Variants in NKAIN2 observed in about 807,000 individuals in gnomAD.
The protein encoded by NKAIN2 is sodium/potassium-transporting ATPase subunit beta-1-interacting protein 2.
In NKAIN2, 14 loss-of-function variants were observed where a neutral mutation model predicts 32.6. The ratio of observed to expected loss-of-function variants is 0.43; its 90% CI spans 0.28 to 0.67. The LOEUF (loss-of-function observed/expected upper bound fraction) is 0.67, where lower values mean the gene tolerates loss of function less well. NKAIN2 is among the 30% of genes least tolerant of loss of function. NKAIN2 has a pLI of 0.17. For synonymous variants in NKAIN2, 80 were observed against 87.2 expected (o/e 0.92, Z 0.46); for missense variants, 198 against 258.3 (o/e 0.77, Z 1.60).
intron 1 of NKAIN2, among the ~76,000 whole-genome samples, chr6:123,987,908 G>A (rs149144419): frequency 9.9e-5 from 15 of 152,246 alleles, no homozygotes; most frequent in African/African-American, 3.6e-4. Context: ...TGTCTTTCAC[G>A]CCAAGTATGG....
At chr6:124,371,909 C>G (rs1184425553) in intron 3 of NKAIN2, among the ~76,000 whole-genome samples, 1 of 151,990 alleles carries the variant, frequency 6.6e-6, no homozygotes, top group Non-Finnish European at 1.5e-5. Context: ...AGATCAAAGT[C>G]TCTCTACCAG....
At chr6:124,568,083 T>A (rs893074768) in intron 3 of NKAIN2, among the ~76,000 whole-genome samples, 1 of 152,192 alleles carries the variant, frequency 6.6e-6, no homozygotes, top group African/African-American at 2.4e-5. Flanking sequence ...AGGCTTAGGT[T>A]TGGAACTGGG....
At chr6:124,770,630 G>T (rs1281354317) in intron 4 of NKAIN2, among the ~76,000 whole-genome samples, 1 of 151,962 alleles carries the variant, frequency 6.6e-6, no homozygotes, top group East Asian at 1.9e-4. Flanking sequence ...TCTTATTTTA[G>T]TTTTTTCCCC....
intron 4 of NKAIN2, among the ~76,000 whole-genome samples, chr6:124,685,775 T>C (rs1035987870): frequency 6.6e-5 from 10 of 152,302 alleles, no homozygotes; most frequent in Admixed American, 5.9e-4. Flanking sequence ...CAGTTCTGCT[T>C]TCACTAGGCT....
chr6:124,324,427 TATA>T (rs1179582357), intron 2 of NKAIN2, among the ~76,000 whole-genome samples: 2 of 152,204 alleles, frequency 1.3e-5, no homozygotes, highest in Admixed American at 6.5e-5. Context: ...AGGAATAAAA[TATA>T]ATGATGTCAT....
chr6:124,162,733 G>T (rs1788342206), intron 1 of NKAIN2, among the ~76,000 whole-genome samples: 1 of 152,070 alleles, frequency 6.6e-6, no homozygotes, highest in Admixed American at 6.6e-5. Context: ...CAGACAGTGT[G>T]AGAGCCAGAC....
intron 1 of NKAIN2, among the ~76,000 whole-genome samples, chr6:124,153,635 G>A (rs536013825): frequency 1.3e-5 from 2 of 151,346 alleles, no homozygotes; most frequent in South Asian, 2.1e-4. Context: ...CTTTCATCTC[G>A]ATATTTTTCT....
At chr6:124,745,434 C>G (rs1032266128) in intron 4 of NKAIN2, among the ~76,000 whole-genome samples, 2 of 151,814 alleles carry the variant, frequency 1.3e-5, no homozygotes, top group African/African-American at 4.8e-5. Flanking sequence ...GAATATTTCC[C>G]ATTAGTGGAA....
chr6:124,028,717 G>A (rs1031688323), intron 1 of NKAIN2, among the ~76,000 whole-genome samples: 18 of 140,264 alleles, frequency 1.3e-4, no homozygotes, highest in African/African-American at 4.9e-4. Flanking sequence ...GTATATATAC[G>A]TGTATATACG....
intron 3 of NKAIN2, among the ~76,000 whole-genome samples, chr6:124,477,610 T>C (rs1350147217): frequency 6.6e-6 from 1 of 150,572 alleles, no homozygotes; most frequent in Non-Finnish European, 1.5e-5. Context: ...CTTTCTCTCT[T>C]CTTCTTCCTT....
intron 3 of NKAIN2, among the ~76,000 whole-genome samples, chr6:124,522,918 C>T (rs1421922512): frequency 2.0e-5 from 3 of 151,230 alleles, no homozygotes; most frequent in Non-Finnish European, 4.4e-5. Flanking sequence ...CCGAGGCGGG[C>T]GGATCACGAG....
At chr6:124,543,175 TG>T (rs1359693912) in intron 3 of NKAIN2, among the ~76,000 whole-genome samples, 3 of 152,212 alleles carry the variant, frequency 2.0e-5, no homozygotes, top group African/African-American at 7.2e-5. Flanking sequence ...GTATATGCTA[TG>T]CCTACCAACT....
chr6:124,717,079 T>A (rs1775790734), intron 4 of NKAIN2, among the ~76,000 whole-genome samples: 1 of 152,208 alleles, frequency 6.6e-6, no homozygotes, highest in Non-Finnish European at 1.5e-5. Context: ...AAAAAGAGGA[T>A]CCAGAACTAC....
chr6:124,010,717 G>T (rs376368648), intron 1 of NKAIN2, among the ~76,000 whole-genome samples: 34 of 151,994 alleles, frequency 2.2e-4, no homozygotes, highest in African/African-American at 8.0e-4. Context: ...CATGTGGAAG[G>T]TTAGACTGAA....
At chr6:124,609,728 C>T (rs1419364337) in intron 3 of NKAIN2, among the ~76,000 whole-genome samples, 2 of 152,014 alleles carry the variant, frequency 1.3e-5, no homozygotes, top group Non-Finnish European at 2.9e-5. Context: ...ACAGACTTCA[C>T]ATCTACCTGG....
At chr6:124,002,181 A>G (rs925831926) in intron 1 of NKAIN2, among the ~76,000 whole-genome samples, 1 of 152,074 alleles carries the variant, frequency 6.6e-6, no homozygotes, top group Non-Finnish European at 1.5e-5. Context: ...TAATAAATAA[A>G]CTCATCCTTC....
At chr6:123,899,549 T>G (rs1774454361) in intron 1 of NKAIN2, among the ~76,000 whole-genome samples, 1 of 152,240 alleles carries the variant, frequency 6.6e-6, no homozygotes, top group Non-Finnish European at 1.5e-5. Flanking sequence ...AGTCCTTTTA[T>G]TTTATGTATA....
At chr6:123,971,758 C>G (rs1468347185) in intron 1 of NKAIN2, among the ~76,000 whole-genome samples, 1 of 152,106 alleles carries the variant, frequency 6.6e-6, no homozygotes, top group Non-Finnish European at 1.5e-5. Flanking sequence ...AGCACCCAGA[C>G]CGATAACATG....
At chr6:124,121,494 A>G (rs1375169916) in intron 1 of NKAIN2, among the ~76,000 whole-genome samples, 1 of 152,082 alleles carries the variant, frequency 6.6e-6, no homozygotes, top group Non-Finnish European at 1.5e-5. Flanking sequence ...ATTAATTATA[A>G]TAATACACAT....
Sources: allele counts gnomAD v4.1 joint callset (sites outside exome capture counted in the v4.1 genomes callset), GRCh38; gene constraint gnomAD v4.1.1; transcripts MANE v1.5; gene names NCBI Gene and HGNC (gene_info 2026-07-23, HGNC 2026-07-21).